Variants in PRKN observed in about 807,000 individuals in gnomAD.
PRKN encodes the protein E3 ubiquitin-protein ligase parkin.
PRKN carries 56 observed loss-of-function variants against 59.5 expected under a neutral mutation model. That is an observed-to-expected ratio of 0.94 (90% CI 0.76 to 1.18). PRKN has a LOEUF of 1.18. Among genes scored for constraint, PRKN ranks in the 50% most tolerant of loss-of-function variants. The pLI, the probability that PRKN is intolerant of heterozygous loss-of-function variation, is 0.00. For synonymous variants in PRKN, 250 were observed against 222.1 expected (o/e 1.13, Z -1.12); for missense variants, 657 against 596.4 (o/e 1.10, Z -1.06).
At position 161,357,980 on chromosome 6, in the gene PRKN, T is replaced by C. The variant is rs955231361; in HGVS notation, c.1285+2108A>G. Among the ~76,000 whole-genome samples the C allele has an allele frequency of 6.6e-6, 1 of 152,240 alleles. No homozygotes were observed. Among genetic ancestry groups the C allele is most frequent in the Non-Finnish European group, 1.5e-5 (1 of 68,050 alleles). Reference sequence around the variant, plus strand: ...AGTCCTAACTCCTGCAACACTGCAGTGCCGGGCTGTGTGAAGCTTTACCAC... The same window carrying C: ...AGTCCTAACTCCTGCAACACTGCAGCGCCGGGCTGTGTGAAGCTTTACCAC... On this transcript the variant is annotated intron_variant, in intron 11 of 11. Coordinates refer to ENST00000366898, the MANE Select transcript of PRKN (RefSeq NM_004562.3). The surrounding 1 kb of genome is among the most constrained non-coding windows in gnomAD (Gnocchi z 5.5).
rs1554301479 is a variant in PRKN, at chr6:162,337,988, C to CTTTAAAGTTTTAAAGTTT, written c.172-75224_172-75223insAAACTTTAAAACTTTAAA. ...ATATTATAAATGCATCTTTAAATAT[C>CTTTAAAGTTTTAAAGTTT]TTTAAAGTTTTAAGAGGATAAATCT... is the stretch of plus-strand genomic sequence containing the variant. On this transcript the variant is annotated intron_variant, in intron 2 of 11. Coordinates refer to ENST00000366898, the MANE Select transcript of PRKN (RefSeq NM_004562.3). Among the ~76,000 whole-genome samples, 6 of 152,180 alleles carry CTTTAAAGTTTTAAAGTTT rather than the reference C, an allele frequency of 3.9e-5. No homozygotes were observed. The East Asian group carries it at 5.8e-4, about 15-fold the overall frequency.
At position 161,461,134 on chromosome 6, in the gene PRKN, C is replaced by T. The variant is rs1790196194; in HGVS notation, c.1084-74257G>A. 6.6e-6 allele frequency among the ~76,000 whole-genome samples: 1 copy of T among 152,132 alleles called. No individual in the cohort carries two copies. The highest frequency in any genetic ancestry group is 1.5e-5 in the Non-Finnish European group (1 of 68,030). On this transcript the variant is annotated intron_variant, in intron 9 of 11. Transcript: ENST00000366898. This position sits in a 1 kb window ranked among gnomAD's most constrained non-coding sequence, Gnocchi z 5.1. ...CCACCTGCATCAGTTTTTCAGAAAA[C>T]AGAACTGAACGTCAAGTTTGTCCTC...
chr6:161,477,464 C>T (rs868315269), intron 9 of PRKN, among the ~76,000 whole-genome samples: 10 of 139,246 alleles, frequency 7.2e-5, no homozygotes, highest in East Asian at 2.1e-4. Context: ...TGTGGTGAGC[C>T]GAGATCACAC....
Position 161,927,260 on chromosome 6 carries a change from T to C in PRKN, c.734+46042A>G, listed in dbSNP as rs77209417. On this transcript the variant is annotated intron_variant, in intron 6 of 11. Transcript: ENST00000366898. ...TTTTACTCATATATTTTGAAGAGGATTGCAAAGTGTCTGAAGAACTACGAA... is the reference window on the plus strand; with the variant it reads ...TTTTACTCATATATTTTGAAGAGGACTGCAAAGTGTCTGAAGAACTACGAA... Among the ~76,000 whole-genome samples the C allele has an allele frequency of 2.2e-3, 340 of 152,268 alleles. 12 individuals are homozygous for C. In the East Asian group the frequency reaches 0.054, roughly 24 times the overall value.
chr6:162,054,039 A>G, intron 5 of PRKN, 52 bp downstream of exon 5: 2 of 1,130,450 alleles, frequency 1.8e-6, no homozygotes, highest in Non-Finnish European at 2.7e-6. Flanking sequence ...CAAACAGTGA[A>G]GATGTCATCA....
At chr6:162,133,714 A>C (rs2128308617) in intron 4 of PRKN, among the ~76,000 whole-genome samples, 1 of 152,328 alleles carries the variant, frequency 6.6e-6, no homozygotes, top group East Asian at 1.9e-4. Flanking sequence ...TGGGAAGATG[A>C]GGAAGAGTCG....
At chr6:162,480,778 T>C (rs1044670080) in intron 1 of PRKN, among the ~76,000 whole-genome samples, 9 of 152,076 alleles carry the variant, frequency 5.9e-5, no homozygotes, top group African/African-American at 9.7e-5. Context: ...TTTTGTTAGA[T>C]AGTATGGAAG....
At chr6:161,528,391 G>A (rs998914379) in intron 9 of PRKN, among the ~76,000 whole-genome samples, 6 of 152,132 alleles carry the variant, frequency 3.9e-5, no homozygotes, top group Admixed American at 2.0e-4. Context: ...AAGGAAAGGT[G>A]ATGCCTTAAC....
intron 4 of PRKN, among the ~76,000 whole-genome samples, chr6:162,084,691 C>T (rs1779184877): frequency 6.6e-6 from 1 of 151,986 alleles, no homozygotes; most frequent in African/African-American, 2.4e-5. Context: ...TGAAAGTATA[C>T]ATTAGTAAAT....
chr6:162,495,089 ACAT>A (rs1792997836), intron 1 of PRKN, among the ~76,000 whole-genome samples: 1 of 152,226 alleles, frequency 6.6e-6, no homozygotes, highest in African/African-American at 2.4e-5. Context: ...TAATCGAGAG[ACAT>A]CATACAATAG....
At chr6:162,152,958 T>C (rs1782336802) in intron 4 of PRKN, among the ~76,000 whole-genome samples, 1 of 152,178 alleles carries the variant, frequency 6.6e-6, no homozygotes, top group Non-Finnish European at 1.5e-5. Flanking sequence ...GTTCCACCAA[T>C]GTGACCTGCA....
rs1470388073 is a variant in PRKN at position 162,247,527 on chromosome 6, T to C, written c.412+14998A>G. Among the ~76,000 whole-genome samples, 6 of 152,170 alleles carry C rather than the reference T, an allele frequency of 3.9e-5. No individual in the cohort carries two copies. In the East Asian group the frequency reaches 1.2e-3, roughly 29 times the overall value. On this transcript the variant is annotated intron_variant, in intron 3 of 11. Transcript: ENST00000366898. ...CACCTAATTTTGATTGGCTTATTTGTGAGATAAATTAAGGGGGAAAATGAT... is the reference window on the plus strand; with the variant it reads ...CACCTAATTTTGATTGGCTTATTTGCGAGATAAATTAAGGGGGAAAATGAT...
At chr6:162,556,059 A>C (rs1014765220) in intron 1 of PRKN, among the ~76,000 whole-genome samples, 1 of 151,634 alleles carries the variant, frequency 6.6e-6, no homozygotes, top group African/African-American at 2.4e-5. Flanking sequence ...AGCTTAGAGC[A>C]GACCCTGAAA....
intron 4 of PRKN, among the ~76,000 whole-genome samples, chr6:162,104,571 G>A (rs1476301802): frequency 6.6e-6 from 1 of 152,038 alleles, no homozygotes; most frequent in Admixed American, 6.6e-5. Context: ...AGACTCTGAC[G>A]TGCAAGTGGA....
At chr6:162,709,240 C>T (rs1425458568) in intron 1 of PRKN, among the ~76,000 whole-genome samples, 1 of 152,048 alleles carries the variant, frequency 6.6e-6, no homozygotes, top group Non-Finnish European at 1.5e-5. Flanking sequence ...AAAGGTAACG[C>T]ACTTGAATTA....
intron 6 of PRKN, among the ~76,000 whole-genome samples, chr6:161,823,344 A>T (rs1378671210): frequency 6.6e-6 from 1 of 152,096 alleles, no homozygotes; most frequent in African/African-American, 2.4e-5. Flanking sequence ...TCTATTCATA[A>T]ATTAGCTTAA....
At chr6:161,880,282 CAT>C (rs1794883746) in intron 6 of PRKN, among the ~76,000 whole-genome samples, 2 of 152,262 alleles carry the variant, frequency 1.3e-5, no homozygotes, top group East Asian at 1.9e-4. Flanking sequence ...TGTTCGATAA[CAT>C]GTGCTAAGAT....
At chr6:162,560,210 T>C (rs773392851) in intron 1 of PRKN, among the ~76,000 whole-genome samples, 2 of 152,206 alleles carry the variant, frequency 1.3e-5, no homozygotes, top group Non-Finnish European at 2.9e-5. Flanking sequence ...GATACAACTA[T>C]TTGCATATAA....
intron 1 of PRKN, among the ~76,000 whole-genome samples, chr6:162,581,366 C>T (rs1057402892): frequency 2.0e-5 from 3 of 152,202 alleles, no homozygotes; most frequent in Non-Finnish European, 2.9e-5. Flanking sequence ...AAATTCCTAG[C>T]TCACCAGTGT....
Sources: gnomAD v4.1 joint callset for allele counts (sites outside exome capture counted in the v4.1 genomes callset) on GRCh38, gnomAD v4.1.1 for gene constraint, Gnocchi (gnomAD v3.1) non-coding constraint, MANE v1.5 for transcripts, NCBI Gene and HGNC (gene_info 2026-07-23, HGNC 2026-07-21) for gene names.